The following HAS2 variants were observed in gnomAD, a reference collection of about 807,000 sequenced individuals.
HAS2 encodes hyaluronan synthase 2.
In HAS2, 16 loss-of-function variants were observed where a neutral mutation model predicts 51.6. The observed-to-expected ratio is 0.31, with a 90% CI of 0.21 to 0.47. The LOEUF is 0.47. Ranked by LOEUF, HAS2 falls within the 20% of genes least tolerant of loss-of-function variation. The pLI is 1.00. For synonymous variants in HAS2, 228 were observed against 235.5 expected (o/e 0.97, Z 0.29); for missense variants, 361 against 662.6 (o/e 0.54, Z 5.00).
chr8:121,625,708 A>G (rs1189052123), intron 2 of HAS2, among the ~76,000 whole-genome samples: 1 of 118,854 alleles, frequency 8.4e-6, no homozygotes, highest in Admixed American at 1.1e-4. Context: ...TTTTGTAGAG[A>G]TGAGGTCTCC....
chr8:121,635,613 A>T (rs1812998676), intron 1 of HAS2, among the ~76,000 whole-genome samples: 1 of 152,224 alleles, frequency 6.6e-6, no homozygotes, highest in Non-Finnish European at 1.5e-5. Flanking sequence ...TCCTTGGACA[A>T]TTCAATTAAT....
chr8:121,633,467 T>C (rs772463080), intron 1 of HAS2, among the ~76,000 whole-genome samples: 4 of 152,124 alleles, frequency 2.6e-5, no homozygotes, highest in Admixed American at 6.5e-5. Flanking sequence ...CCTACTGTTA[T>C]AGAAAATGGG....
intron 2 of HAS2, among the ~76,000 whole-genome samples, 177 bp from the exon 3 acceptor site, chr8:121,617,383 A>T (rs1035866757): frequency 5.9e-5 from 9 of 152,182 alleles, no homozygotes; most frequent in Non-Finnish European, 1.3e-4. Flanking sequence ...CAAAGAGCCT[A>T]TTTTTCAGCA....
chr8:121,632,377 G>A (rs1812945802), intron 1 of HAS2, among the ~76,000 whole-genome samples: 1 of 152,120 alleles, frequency 6.6e-6, no homozygotes, highest in African/African-American at 2.4e-5. Context: ...AGTTAAATTG[G>A]AAAATAGAGT....
chr8:121,625,517 C>CTT (rs35359881), intron 2 of HAS2, among the ~76,000 whole-genome samples: 13 of 144,230 alleles, frequency 9.0e-5, no homozygotes, highest in African/African-American at 2.5e-4. Flanking sequence ...TTCCCTTCAA[C>CTT]TTTTTTTTTT....
At chr8:121,619,883 A>G (rs1812751921) in intron 2 of HAS2, among the ~76,000 whole-genome samples, 1 of 152,236 alleles carries the variant, frequency 6.6e-6, no homozygotes, top group African/African-American at 2.4e-5. Context: ...GGAAGAGGGC[A>G]ATCCAGAGTT....
chr8:121,635,106 G>A (rs1322309810), intron 1 of HAS2, among the ~76,000 whole-genome samples: 1 of 152,092 alleles, frequency 6.6e-6, no homozygotes, highest in Non-Finnish European at 1.5e-5. Flanking sequence ...AACCAGATTA[G>A]CAAATATTTT....
Position 121,614,104 on chromosome 8 carries a change from G to A in HAS2, c.*5C>T. ...GTGTGACTGCAAACGTCAAAACATGGAAGATCATACATCAAGCACCATGTC... is the reference window on the plus strand; with the variant it reads ...GTGTGACTGCAAACGTCAAAACATGAAAGATCATACATCAAGCACCATGTC... On this transcript the variant is annotated 3_prime_UTR_variant, in exon 4 of 4. Transcript: ENST00000303924. This position sits in a 1 kb window ranked among gnomAD's most constrained non-coding sequence, Gnocchi z 7.2. The A allele has an allele frequency of 1.9e-6, 3 of 1,613,938 alleles. No individual in the cohort carries two copies. Among genetic ancestry groups the A allele is most frequent in the South Asian group, 2.2e-5 (2 of 91,078 alleles).
In HAS2 at chr8:121,635,497, T is replaced by C. The variant is rs149925282; in HGVS notation, c.-1+5356A>G. ...AATAACTATGGCATGATGAAAAGAATAGGAGGACTGGGAATCAGAAGAAAT... is the reference window on the plus strand; with the variant it reads ...AATAACTATGGCATGATGAAAAGAACAGGAGGACTGGGAATCAGAAGAAAT... On this transcript the variant is annotated intron_variant, in intron 1 of 3. Transcript: ENST00000303924. 3.1e-4 allele frequency among the ~76,000 whole-genome samples: 47 copies of C among 152,258 alleles called. No individual in the cohort carries two copies. The East Asian group carries it at 8.9e-3, about 29-fold the overall frequency.
chr8:121,625,884 A>C (rs530022252), intron 2 of HAS2, among the ~76,000 whole-genome samples: 2 of 151,898 alleles, frequency 1.3e-5, no homozygotes, highest in African/African-American at 4.8e-5. Context: ...TTTATCTCTG[A>C]AAGTACCCAC....
chr8:121,637,341 G>C (rs994920692), intron 1 of HAS2, among the ~76,000 whole-genome samples: 4 of 150,840 alleles, frequency 2.7e-5, no homozygotes, highest in African/African-American at 9.8e-5. Flanking sequence ...CTAGATGGTG[G>C]GAAAGGCAGT....
Position 121,614,139 on chromosome 8 carries a change from T to C in HAS2, c.1629A>G (p.Gly543=). 1 of 1,614,104 alleles carries C rather than the reference T, an allele frequency of 6.2e-7. No homozygotes were observed. Among genetic ancestry groups the C allele is most frequent in the Non-Finnish European group, 8.5e-7 (1 of 1,179,990 alleles). ...LINKCGRRKK[G]QQYDMVLDV ...CATCAAGCACCATGTCATATTGTTG[T>C]CCCTTCTTCCGCCTGCCACACTTAT... Residue 543 remains glycine, a synonymous_variant, in exon 4 of 4, where the codon GGA becomes GGG. Coordinates refer to ENST00000303924, the MANE Select transcript of HAS2 (RefSeq NM_005328.3). The surrounding 1 kb of genome is among the most constrained non-coding windows in gnomAD (Gnocchi z 7.2).
intron 1 of HAS2, among the ~76,000 whole-genome samples, chr8:121,630,608 G>A (rs1018631950): frequency 1.3e-5 from 2 of 151,804 alleles, no homozygotes; most frequent in Non-Finnish European, 2.9e-5. Context: ...CCATTTTTGG[G>A]CTTTTCTCAT....
At position 121,622,936 on chromosome 8, in the gene HAS2, G is replaced by C. The variant is rs1036310100; in HGVS notation, c.628-5730C>G. 1.5e-4 allele frequency among the ~76,000 whole-genome samples: 23 copies of C among 151,404 alleles called. No homozygotes were observed. In the East Asian group the frequency reaches 4.1e-3, roughly 27 times the overall value. ...TACAAAAGCTTTTTGAAATTAATGA[G>C]TAAAACCATTCCAGAAAAAAAAAAA... On this transcript the variant is annotated intron_variant, in intron 2 of 3. Coordinates refer to ENST00000303924, the MANE Select transcript of HAS2 (RefSeq NM_005328.3).
chr8:121,619,422 T>G (rs1014128910), intron 2 of HAS2, among the ~76,000 whole-genome samples: 3 of 152,154 alleles, frequency 2.0e-5, no homozygotes, highest in Non-Finnish European at 4.4e-5. Flanking sequence ...TGGGGTTAAC[T>G]TCTGAATTTT....
intron 1 of HAS2, among the ~76,000 whole-genome samples, chr8:121,631,266 C>T (rs1274090284): frequency 1.3e-5 from 2 of 152,090 alleles, no homozygotes; most frequent in African/African-American, 2.4e-5. Context: ...GTCCATTATG[C>T]ATTTGGGGCT....
chr8:121,634,750 T>C (rs79096013), intron 1 of HAS2, among the ~76,000 whole-genome samples: 4 of 115,460 alleles, frequency 3.5e-5, no homozygotes, highest in African/African-American at 1.5e-4. Context: ...TCAAACAGTC[T>C]TTTTTTTTTT....
intron 1 of HAS2, among the ~76,000 whole-genome samples, chr8:121,629,781 G>A (rs1812905397): frequency 6.6e-6 from 1 of 152,044 alleles, no homozygotes; most frequent in Non-Finnish European, 1.5e-5. Context: ...AAATCCACTG[G>A]AGATTTTGCT....
At chr8:121,617,744 G>A (rs940252061) in intron 2 of HAS2, among the ~76,000 whole-genome samples, 14 of 152,078 alleles carry the variant, frequency 9.2e-5, no homozygotes, top group Non-Finnish European at 1.9e-4. Flanking sequence ...AATGACAGGA[G>A]AGCAATTCTC....
Sources: allele counts gnomAD v4.1 joint callset (sites outside exome capture counted in the v4.1 genomes callset), GRCh38; gene constraint gnomAD v4.1.1; non-coding constraint Gnocchi (gnomAD v3.1); transcripts MANE v1.5; gene names NCBI Gene and HGNC (gene_info 2026-07-23, HGNC 2026-07-21).